CDH13: variants seen among roughly 807,000 people sequenced by gnomAD.
CDH13 encodes the protein cadherin-13.
In CDH13, 24 loss-of-function variants were observed where a neutral mutation model predicts 63.8. The observed-to-expected ratio is 0.38, with a 90% CI of 0.27 to 0.53. The LOEUF (loss-of-function observed/expected upper bound fraction) is 0.53. Among genes scored for constraint, CDH13 ranks in the 20% least tolerant of loss-of-function variants. The pLI, the probability that CDH13 is intolerant of heterozygous loss-of-function variation, is 0.85. For synonymous variants in CDH13, 503 were observed against 355.3 expected, an observed-to-expected ratio of 1.42 and a Z score of -4.67; for missense variants, 1,049 against 903.1, an observed-to-expected ratio of 1.16 and a Z score of -2.07.
At chr16:83,215,503 A>G (rs1164568297) in intron 4 of CDH13, among the ~76,000 whole-genome samples, 1 of 6,184 alleles carries the variant, frequency 1.6e-4, no homozygotes, top group East Asian at 0.5. Flanking sequence ...TTTAATCGGA[A>G]AAAAAAAAAA....
chr16:83,173,497 G>C (rs1314545820), intron 4 of CDH13, among the ~76,000 whole-genome samples: 1 of 151,962 alleles, frequency 6.6e-6, no homozygotes, highest in Non-Finnish European at 1.5e-5. Context: ...TTCTTGAATA[G>C]ACTTGCCAGA....
chr16:82,923,110 G>T lies in CDH13; in HGVS notation c.157+64637G>T, dbSNP rs138978166. ...GAACACATGTTTTAGGAAAAATGGCGCCAATAGACTTGCTCAATGCAGGGT... is the reference window on the plus strand; with the variant it reads ...GAACACATGTTTTAGGAAAAATGGCTCCAATAGACTTGCTCAATGCAGGGT... On this transcript the variant is annotated intron_variant, in intron 2 of 13. Coordinates refer to ENST00000567109, the MANE Select transcript of CDH13 (RefSeq NM_001257.5). 2.7e-4 allele frequency among the ~76,000 whole-genome samples: 41 copies of T among 152,104 alleles called. 1 individual carries two copies. The highest frequency in any genetic ancestry group is 2.0e-4 in the Admixed American group (3 of 15,280).
chr16:83,622,430 A>G (rs1332675052), intron 8 of CDH13, among the ~76,000 whole-genome samples: 4 of 152,236 alleles, frequency 2.6e-5, no homozygotes, highest in African/African-American at 9.6e-5. Flanking sequence ...CGGACGAGAA[A>G]GTCAAAAAAC....
At chr16:83,725,140 G>A (rs930580382) in intron 10 of CDH13, among the ~76,000 whole-genome samples, 1 of 152,240 alleles carries the variant, frequency 6.6e-6, no homozygotes, top group Non-Finnish European at 1.5e-5. Context: ...GCAGCAGAGA[G>A]AAAGGCACAT....
intron 13 of CDH13, among the ~76,000 whole-genome samples, chr16:83,785,213 A>G (rs1915799525): frequency 6.6e-6 from 1 of 152,238 alleles, no homozygotes; most frequent in South Asian, 2.1e-4. Flanking sequence ...TGGCTTATAA[A>G]TAACAGAGAT....
intron 1 of CDH13, chr16:82,824,337 C>A (rs1472604550): frequency 6.6e-6 from 1 of 151,956 alleles, no homozygotes; most frequent in Non-Finnish European, 1.5e-5. Context: ...AACTATCCTG[C>A]CTTTGTTTTC....
intron 6 of CDH13, among the ~76,000 whole-genome samples, chr16:83,352,160 C>A (rs1002495936): frequency 6.6e-6 from 1 of 152,170 alleles, no homozygotes; most frequent in African/African-American, 2.4e-5. Context: ...TGGTACAATT[C>A]ACTGTAAATG....
At chr16:83,463,013 A>T (rs1161264436) in intron 6 of CDH13, among the ~76,000 whole-genome samples, 1 of 152,092 alleles carries the variant, frequency 6.6e-6, no homozygotes, top group African/African-American at 2.4e-5. Flanking sequence ...CAGTGTGCCA[A>T]GCTCTAGGCA....
At position 83,110,787 on chromosome 16, in the gene CDH13, T is replaced by C. The variant is rs185586261; in HGVS notation, c.367-14598T>C. Among the ~76,000 whole-genome samples, 34 of 152,048 alleles carry C rather than the reference T, an allele frequency of 2.2e-4. No homozygotes were observed. In the East Asian group the frequency reaches 3.7e-3, roughly 16 times the overall value. On this transcript the variant is annotated intron_variant, in intron 3 of 13. Transcript: ENST00000567109. ...TTTTGAAACAAAAAAAACCAAGGTG[T>C]GACAGTTACAAGGGGCTACTTCTTC... is the stretch of plus-strand genomic sequence containing the variant.
At chr16:82,905,189 A>G (rs1481268860) in intron 2 of CDH13, among the ~76,000 whole-genome samples, 1 of 152,200 alleles carries the variant, frequency 6.6e-6, no homozygotes, top group Non-Finnish European at 1.5e-5. Context: ...GACGGGAGAA[A>G]GAGCTTGAGA....
At chr16:83,605,128 C>A (rs61321191) in intron 8 of CDH13, among the ~76,000 whole-genome samples, 5 of 152,092 alleles carry the variant, frequency 3.3e-5, no homozygotes, top group Non-Finnish European at 7.4e-5. Flanking sequence ...CCTGTAAATA[C>A]CAGCAAAAGC....
chr16:83,482,548 A>G (rs75851283), intron 6 of CDH13, among the ~76,000 whole-genome samples: 1 of 152,184 alleles, frequency 6.6e-6, no homozygotes, highest in Admixed American at 6.5e-5. Context: ...CTCGGAACCA[A>G]TTTAGAGAAT....
At chr16:83,733,526 G>T (rs1453562351) in intron 10 of CDH13, among the ~76,000 whole-genome samples, 1 of 152,130 alleles carries the variant, frequency 6.6e-6, no homozygotes, top group Non-Finnish European at 1.5e-5. Context: ...CACATTCACT[G>T]AGCTTCAAGT....
chr16:83,232,227 T>TTTTTTTTTTA (rs3049884), intron 5 of CDH13, among the ~76,000 whole-genome samples: 1 of 67,628 alleles, frequency 1.5e-5, no homozygotes, highest in Non-Finnish European at 2.7e-5. Flanking sequence ...TTTTTTTTTT[T>TTTTTTTTTTA]AAAAAAAAAA....
At chr16:83,558,321 C>G (rs1467661554) in intron 7 of CDH13, among the ~76,000 whole-genome samples, 2 of 152,120 alleles carry the variant, frequency 1.3e-5, no homozygotes, top group Non-Finnish European at 2.9e-5. Flanking sequence ...AAGAGTCTTC[C>G]AGCAGCCACA....
chr16:83,490,445 C>G (rs1046196700), intron 7 of CDH13, among the ~76,000 whole-genome samples: 1 of 152,168 alleles, frequency 6.6e-6, no homozygotes, highest in African/African-American at 2.4e-5. Context: ...GGTTGTTATC[C>G]TTTCTTCTTC....
chr16:83,383,165 T>TC (rs2091602132), intron 6 of CDH13: 3 of 152,184 alleles, frequency 2.0e-5, no homozygotes, highest in African/African-American at 7.2e-5. Context: ...GTGGTCCATC[T>TC]GATGTTTCCT....
chr16:83,629,956 A>G (rs1281348055), intron 8 of CDH13, among the ~76,000 whole-genome samples: 1 of 152,254 alleles, frequency 6.6e-6, no homozygotes, highest in Non-Finnish European at 1.5e-5. Context: ...CGTCAGTAAC[A>G]GAAATGTATT....
intron 3 of CDH13, among the ~76,000 whole-genome samples, chr16:83,106,986 GGCAGACACACACTCAAGTGCAT>G (rs1481401882): frequency 6.6e-6 from 1 of 151,748 alleles, no homozygotes; most frequent in Non-Finnish European, 1.5e-5. Context: ...TAAAACTCTG[GGCAGACACACACTCAAGTGCAT>G]GCACACCCCA....
Sources: allele counts gnomAD v4.1 joint callset (sites outside exome capture counted in the v4.1 genomes callset), GRCh38; gene constraint gnomAD v4.1.1; transcripts MANE v1.5; gene names NCBI Gene and HGNC (gene_info 2026-07-23, HGNC 2026-07-21).